Variants in GRAMD1B observed in about 807,000 individuals in gnomAD.
GRAMD1B encodes protein Aster-B.
In GRAMD1B, 37 loss-of-function variants were observed where a neutral mutation model predicts 99.7. That is an observed-to-expected ratio of 0.37 (90% CI 0.29 to 0.49). The LOEUF is 0.49. GRAMD1B is among the 20% of genes least tolerant of loss of function. The pLI, the probability that GRAMD1B is intolerant of heterozygous loss-of-function variation, is 0.98. For synonymous variants in GRAMD1B, 427 were observed against 387.6 expected (o/e 1.10, Z -1.19); for missense variants, 888 against 1,009.2 (o/e 0.88, Z 1.63).
Position 123,622,687 on chromosome 11 carries a change from A to G in GRAMD1B, c.*92A>G. On this transcript the variant is annotated 3_prime_UTR_variant, in exon 20 of 20. Transcript: ENST00000635736. ...ATATATAAATATATATATATACAGA[A>G]TATAAATATATATATTATATACAGA... 1 of 285,242 alleles carries G rather than the reference A, an allele frequency of 3.5e-6. No homozygotes were observed. The highest frequency in any genetic ancestry group is 6.2e-6 in the Non-Finnish European group (1 of 161,836). 17.7% of individuals were successfully genotyped at this position (285,242 alleles called of 1,614,324 possible).
At chr11:123,457,117 A>AGAAAGAAAGAAAAG in intron 1 of GRAMD1B, among the ~76,000 whole-genome samples, 1 of 99,436 alleles carries the variant, frequency 1.0e-5, no homozygotes, top group Admixed American at 1.2e-4. Flanking sequence ...TTCTGAGAAA[A>AGAAAGAAAGAAAAG]AAAGAAAGAA....
At chr11:123,518,660 T>C (rs1243519619) in intron 2 of GRAMD1B, among the ~76,000 whole-genome samples, 1 of 152,152 alleles carries the variant, frequency 6.6e-6, no homozygotes, top group Non-Finnish European at 1.5e-5. Context: ...TAAGCCTGCG[T>C]GTCTTGTGTT....
chr11:123,600,630 C>A, intron 8 of GRAMD1B, 82 bp downstream of exon 8: 1 of 806,482 alleles, frequency 1.2e-6, no homozygotes, highest in Non-Finnish European at 2.1e-6. Flanking sequence ...CTGGGAATCC[C>A]CCACTGATAG....
chr11:123,528,075 G>A (rs1314547215), intron 2 of GRAMD1B, among the ~76,000 whole-genome samples: 4 of 152,158 alleles, frequency 2.6e-5, no homozygotes, highest in African/African-American at 9.7e-5. Context: ...ATTAAGTACA[G>A]GTCCATTTTG....
chr11:123,466,368 AAAAG>A lies in GRAMD1B; in HGVS notation c.375-14442_375-14439del, dbSNP rs1361501231. ...AAGGAAGGAAAGAAGGAAGGAAGGA[AAAAG>A]AAAGAGAGAGAGAAAGAAAGAAAAA... On this transcript the variant is annotated intron_variant, in intron 1 of 19. Transcript: ENST00000635736. 3.3e-4 allele frequency among the ~76,000 whole-genome samples: 21 copies of A among 63,750 alleles called. 1 individual carries two copies. The highest frequency in any genetic ancestry group is 5.3e-3 in the East Asian group (2 of 380). The allele number at this position is 63,750 out of a possible 152,430, so 41.8% of individuals were successfully genotyped here.
At chr11:123,528,236 C>T (rs1238522770) in intron 2 of GRAMD1B, among the ~76,000 whole-genome samples, 1 of 152,154 alleles carries the variant, frequency 6.6e-6, no homozygotes, top group African/African-American at 2.4e-5. Context: ...CCTACTCTTC[C>T]AACAAGGAGA....
chr11:123,562,997 A>G (rs1443021795), intron 2 of GRAMD1B, among the ~76,000 whole-genome samples: 1 of 152,066 alleles, frequency 6.6e-6, no homozygotes, highest in African/African-American at 2.4e-5. Flanking sequence ...CAGTATTACA[A>G]CTCTGTCTGG....
intron 1 of GRAMD1B, chr11:123,381,511 G>A (rs1946873161): frequency 6.5e-6 from 1 of 153,910 alleles, no homozygotes. Context: ...TCCCATCTCT[G>A]GTTGAGATTC....
intron 2 of GRAMD1B, among the ~76,000 whole-genome samples, chr11:123,535,472 C>T (rs1943872183): frequency 6.6e-6 from 1 of 152,082 alleles, no homozygotes; most frequent in Non-Finnish European, 1.5e-5. Flanking sequence ...TGGTAGGAAT[C>T]GGTAGCTTTA....
At chr11:123,408,552 T>C (rs1249786991) in intron 1 of GRAMD1B, among the ~76,000 whole-genome samples, 2 of 152,270 alleles carry the variant, frequency 1.3e-5, no homozygotes, top group African/African-American at 4.8e-5. Context: ...TACAGCTCAC[T>C]GTTTTCTAAG....
chr11:123,516,668 TA>T (rs1259334098), intron 2 of GRAMD1B, among the ~76,000 whole-genome samples: 1 of 151,488 alleles, frequency 6.6e-6, no homozygotes, highest in Non-Finnish European at 1.5e-5. Context: ...GTCTGTTGAT[TA>T]AAAAAAAAGT....
intron 1 of GRAMD1B, among the ~76,000 whole-genome samples, chr11:123,365,865 G>A (rs1236683543): frequency 6.6e-6 from 1 of 152,140 alleles, no homozygotes; most frequent in African/African-American, 2.4e-5. Flanking sequence ...TTGTAACTAT[G>A]ATCTCCCTCC....
intron 1 of GRAMD1B, among the ~76,000 whole-genome samples, chr11:123,457,116 A>AAG (rs1555124270): frequency 7.1e-6 from 1 of 141,212 alleles, no homozygotes; most frequent in Admixed American, 7.4e-5. Context: ...TTTCTGAGAA[A>AAG]AAAAGAAAGA....
intron 1 of GRAMD1B, among the ~76,000 whole-genome samples, chr11:123,393,462 C>A (rs1947349885): frequency 6.6e-6 from 1 of 152,174 alleles, no homozygotes; most frequent in Non-Finnish European, 1.5e-5. Flanking sequence ...TAGATGGCAA[C>A]CGTGGCTGCA....
At chr11:123,553,049 A>G (rs944091557) in intron 2 of GRAMD1B, among the ~76,000 whole-genome samples, 14 of 152,242 alleles carry the variant, frequency 9.2e-5, no homozygotes, top group African/African-American at 2.9e-4. Context: ...GCATATTTCA[A>G]TCACTTGGAG....
At chr11:123,384,329 C>G (rs974199816) in intron 1 of GRAMD1B, among the ~76,000 whole-genome samples, 1 of 152,204 alleles carries the variant, frequency 6.6e-6, no homozygotes, top group African/African-American at 2.4e-5. Flanking sequence ...ATCCAGTGGC[C>G]TATTTCTAGA....
At chr11:123,563,871 T>C (rs1035610988) in intron 2 of GRAMD1B, among the ~76,000 whole-genome samples, 1 of 152,212 alleles carries the variant, frequency 6.6e-6, no homozygotes, top group Non-Finnish European at 1.5e-5. Context: ...CTAAAGCCTC[T>C]CTTGGTTGAC....
At chr11:123,405,203 TG>T (rs1947812577) in intron 1 of GRAMD1B, among the ~76,000 whole-genome samples, 1 of 151,652 alleles carries the variant, frequency 6.6e-6, no homozygotes, top group African/African-American at 2.4e-5. Context: ...TGTGTGTGTG[TG>T]TGTGTGTGTG....
intron 2 of GRAMD1B, among the ~76,000 whole-genome samples, chr11:123,565,653 C>A (rs1048379886): frequency 2.0e-4 from 30 of 152,208 alleles, no homozygotes; most frequent in African/African-American, 6.5e-4. Context: ...GGAGCTCTGT[C>A]AGTGGAGATC....
Sources: allele counts gnomAD v4.1 joint callset (sites outside exome capture counted in the v4.1 genomes callset), GRCh38; gene constraint gnomAD v4.1.1; transcripts MANE v1.5; gene names NCBI Gene and HGNC (gene_info 2026-07-23, HGNC 2026-07-21).